The following RIMBP2 variants were observed in gnomAD, a reference collection of about 807,000 sequenced individuals.
The protein encoded by RIMBP2 is RIMS binding protein 2.
A neutral mutation model predicts 118.6 loss-of-function variants in RIMBP2; 48 were observed. That is an observed-to-expected ratio of 0.40 (90% confidence interval 0.32 to 0.51). The LOEUF (loss-of-function observed/expected upper bound fraction) is 0.51. Among genes scored for constraint, RIMBP2 ranks in the 20% least tolerant of loss-of-function variants. The probability of loss-of-function intolerance (pLI) is 0.41; values close to 1 mark genes in which losing one functional copy is unlikely to be tolerated. For synonymous variants in RIMBP2, 762 were observed against 742.9 expected (o/e 1.03, Z -0.42); for missense variants, 1,551 against 1,768.3 (o/e 0.88, Z 2.20).
At chr12:130,457,579 G>A in intron 6 of RIMBP2, among the ~76,000 whole-genome samples, 1 of 152,208 alleles carries the variant, frequency 6.6e-6, no homozygotes, top group South Asian at 2.1e-4. Context: ...GTGCAGGACA[G>A]AGGGGTCTAC....
At chr12:130,630,195 G>T (rs1191832014) in intron 1 of RIMBP2, among the ~76,000 whole-genome samples, 1 of 151,762 alleles carries the variant, frequency 6.6e-6, no homozygotes, top group Non-Finnish European at 1.5e-5. Context: ...ATCAATCCAG[G>T]AGGTCTAACT....
chr12:130,653,197 A>C (rs2136285059), intron 1 of RIMBP2, among the ~76,000 whole-genome samples: 1 of 152,338 alleles, frequency 6.6e-6, no homozygotes, highest in East Asian at 1.9e-4. Context: ...TTTGCAGATA[A>C]GTTCCTTCTA....
At chr12:130,646,454 G>GCCACCTCCCTCA (rs2062976832) in intron 1 of RIMBP2, among the ~76,000 whole-genome samples, 2 of 73,578 alleles carry the variant, frequency 2.7e-5, no homozygotes, top group Non-Finnish European at 2.8e-5. Flanking sequence ...CACCTCCCTC[G>GCCACCTCCCTCA]CCACCTCCCT....
At chr12:130,554,613 T>G (rs1017690056) in intron 2 of RIMBP2, among the ~76,000 whole-genome samples, 2 of 152,120 alleles carry the variant, frequency 1.3e-5, no homozygotes, top group Admixed American at 6.5e-5. Flanking sequence ...AATGTTTATT[T>G]AACAGATATT....
chr12:130,635,292 G>A (rs1456439099), intron 1 of RIMBP2, among the ~76,000 whole-genome samples: 1 of 152,194 alleles, frequency 6.6e-6, no homozygotes, highest in East Asian at 1.9e-4. Context: ...TCCAGGAGGG[G>A]AGGGACCCTG....
rs566754971 is a variant in RIMBP2, at chr12:130,478,038, C to T, written c.102+874G>A. Among the ~76,000 whole-genome samples the T allele has an allele frequency of 2.0e-4, 31 of 152,288 alleles. No individual in the cohort carries two copies. In the East Asian group the frequency reaches 4.5e-3, roughly 22 times the overall value. On this transcript the variant is annotated intron_variant, in intron 5 of 22. Transcript: ENST00000690449. ...GGGGGCACCCCAAGCCCATAGGCTC[C>T]GGGAGCACCACCCTCCTACCTATCT...
intron 17 of RIMBP2, among the ~76,000 whole-genome samples, chr12:130,421,724 T>TGTGTGTGTGTGTGTGTGTGTGTGTG (rs1566004674): frequency 6.6e-6 from 1 of 151,366 alleles, no homozygotes; most frequent in African/African-American, 2.4e-5. Flanking sequence ...TGTGTGTGTG[T>TGTGTGTGTGTGTGTGTGTGTGTGTG]TTTCATAGAA....
At chr12:130,462,792 T>C (rs1566083629) in intron 6 of RIMBP2, among the ~76,000 whole-genome samples, 1 of 152,224 alleles carries the variant, frequency 6.6e-6, no homozygotes, top group African/African-American at 2.4e-5. Flanking sequence ...GCATGGAATG[T>C]ACCCTCTCCT....
intron 3 of RIMBP2, among the ~76,000 whole-genome samples, chr12:130,514,314 G>C (rs1035382640): frequency 2.6e-5 from 4 of 152,258 alleles, no homozygotes; most frequent in African/African-American, 9.6e-5. Flanking sequence ...TGAGAAGACA[G>C]CAGGGGGAGA....
chr12:130,658,209 C>A (rs1174411120), intron 1 of RIMBP2: 2 of 152,270 alleles, frequency 1.3e-5, no homozygotes, highest in African/African-American at 2.4e-5. Context: ...GAGGAGGGAA[C>A]AGCACAAGCC....
chr12:130,438,334 A>ATCCCCCCCCCCCC, intron 12 of RIMBP2, 31 bp downstream of exon 12: 11 of 1,344,514 alleles, frequency 8.2e-6, no homozygotes, highest in Non-Finnish European at 1.2e-5. Flanking sequence ...GGGCCTAACA[A>ATCCCCCCCCCCCC]ACCCTCCCCA....
In RIMBP2 at chr12:130,601,238, C is replaced by T. The variant is rs187661264; in HGVS notation, c.-217+27084G>A. ...CTAAAACTGAGTTAGTCCAGGCCGC[C>T]GGAGCTCTCACCTGAGTGAAATCAG... On this transcript the variant is annotated intron_variant, in intron 2 of 22. Transcript: ENST00000690449. Among the ~76,000 whole-genome samples the T allele has an allele frequency of 7.4e-3, 1,103 of 148,356 alleles. 7 individuals carry two copies. Among genetic ancestry groups the T allele is most frequent in the Non-Finnish European group, 0.012 (825 of 67,352 alleles).
chr12:130,422,504 G>A lies in RIMBP2; in HGVS notation c.3187C>T (p.Arg1063Cys), dbSNP rs781479992. ...GACCTCTGAGGACCAGCGCTGCCAC[G>A]GGGAAACCTCCGGCCCATGTGATCC... ...RVDHMGRRFPRGSAGPQRSRP... is the reference protein window; with the variant it reads ...RVDHMGRRFPCGSAGPQRSRP... Residue 1063 changes from arginine to cysteine, a missense_variant, in exon 17 of 23, where the codon CGT (arginine) becomes TGT (cysteine). Physicochemically the swap from Arg to Cys is radical, Grantham distance 180 (BLOSUM62 -3). Around this residue, in one of 5 missense-constraint regions of RIMBP2, gnomAD observed 1,038 missense variants for 1,125.1 expected, o/e 0.92. Coordinates refer to ENST00000690449, the MANE Select transcript of RIMBP2 (RefSeq NM_001393629.1). The surrounding 1 kb of genome is among the most constrained non-coding windows in gnomAD (Gnocchi z 5.2). The A allele has an allele frequency of 8.1e-6, 13 of 1,613,094 alleles. No individual in the cohort carries two copies. Among genetic ancestry groups the A allele is most frequent in the Middle Eastern group, 1.7e-4 (1 of 6,060 alleles).
Position 130,437,027 on chromosome 12 carries a change from C to T in RIMBP2, c.1921G>A (p.Ala641Thr). The T allele has an allele frequency of 1.9e-6, 3 of 1,585,356 alleles. No individual in the cohort carries two copies. Among genetic ancestry groups the T allele is most frequent in the Non-Finnish European group, 2.6e-6 (3 of 1,163,792 alleles). Reference protein sequence around the residue: ...HLGPHARMDEAWEQSRAPGPV... With the variant: ...HLGPHARMDETWEQSRAPGPV... ...CCAGGTGCACGGCTCTGCTCCCAGG[C>T]CTCATCCATCCTGGCGTGGGGACCC... The change falls in exon 13 of 23, where the codon GCC becomes ACC. Residue 641 changes from alanine to threonine, a missense_variant. Physicochemically the swap from Ala to Thr is moderately conservative, Grantham distance 58. Transcript: ENST00000690449.
At chr12:130,463,788 A>G (rs1381048401) in intron 6 of RIMBP2, among the ~76,000 whole-genome samples, 1 of 151,992 alleles carries the variant, frequency 6.6e-6, no homozygotes, top group Non-Finnish European at 1.5e-5. Flanking sequence ...TGGTGAAGGC[A>G]TTCTAAGTCA....
At chr12:130,445,294 A>AT (rs764753860) in intron 9 of RIMBP2, 25 bp from the exon 10 acceptor site, 11 of 1,564,844 alleles carry the variant, frequency 7.0e-6, no homozygotes, top group Non-Finnish European at 9.6e-6. Flanking sequence ...CAGTTCCTTC[A>AT]TTAGAGGCTC....
At chr12:130,712,171 C>G (rs937416718) in intron 1 of RIMBP2, among the ~76,000 whole-genome samples, 3 of 152,172 alleles carry the variant, frequency 2.0e-5, no homozygotes, top group African/African-American at 7.2e-5. Context: ...GTCTGTAGAC[C>G]CTACAGAGGC....
intron 11 of RIMBP2, among the ~76,000 whole-genome samples, chr12:130,439,336 TATGTGTGTAG>T (rs1051177035): frequency 4.0e-5 from 6 of 151,480 alleles, no homozygotes; most frequent in African/African-American, 1.5e-4. Flanking sequence ...TAAGTGTATG[TATGTGTGTAG>T]ATGTGTGGGC....
intron 2 of RIMBP2, among the ~76,000 whole-genome samples, chr12:130,545,729 C>T (rs2055075859): frequency 6.6e-6 from 1 of 152,204 alleles, no homozygotes; most frequent in Admixed American, 6.5e-5. Flanking sequence ...TGCTAAGGGG[C>T]TTACGCAGAA....
Sources: gnomAD v4.1 joint callset for allele counts (sites outside exome capture counted in the v4.1 genomes callset) on GRCh38, gnomAD v4.1.1 for gene constraint, gnomAD v4.1.1 regional missense constraint, Gnocchi (gnomAD v3.1) non-coding constraint, MANE v1.5 for transcripts, NCBI Gene and HGNC (gene_info 2026-07-23, HGNC 2026-07-21) for gene names.